ARHGAP32: variants seen among roughly 807,000 people sequenced by gnomAD.
The protein encoded by ARHGAP32 is Rho GTPase activating protein 32.
A neutral mutation model predicts 186.5 loss-of-function variants in ARHGAP32; 51 were observed. That is an observed-to-expected ratio of 0.27 (90% confidence interval 0.22 to 0.35). The LOEUF (loss-of-function observed/expected upper bound fraction) is 0.35, where lower values mean the gene tolerates loss of function less well. Ranked by LOEUF, ARHGAP32 falls within the 10% of genes least tolerant of loss-of-function variation. The probability of loss-of-function intolerance (pLI) is 1.00; values close to 1 mark genes in which losing one functional copy is unlikely to be tolerated. For missense variants in ARHGAP32, 2,186 were observed against 2,623.5 expected (o/e 0.83, Z 3.64); for synonymous variants, 950 against 964.3 (o/e 0.99, Z 0.27).
intron 1 of ARHGAP32, among the ~76,000 whole-genome samples, chr11:129,221,368 TCAGA>T (rs1404926928): frequency 2.0e-5 from 3 of 151,902 alleles, no homozygotes; most frequent in African/African-American, 7.3e-5. Context: ...TTAAAAGAAA[TCAGA>T]CAATGAACTA....
At chr11:129,213,639 T>C (rs954284263) in intron 1 of ARHGAP32, among the ~76,000 whole-genome samples, 1 of 152,138 alleles carries the variant, frequency 6.6e-6, no homozygotes, top group Non-Finnish European at 1.5e-5. Context: ...GTAATATAAA[T>C]AGACAAAACT....
At chr11:129,269,665 T>C (rs568063137) in intron 1 of ARHGAP32, among the ~76,000 whole-genome samples, 1 of 152,262 alleles carries the variant, frequency 6.6e-6, no homozygotes, top group South Asian at 2.1e-4. Context: ...AGTTCGAGGT[T>C]ACAACGAGCT....
At chr11:129,166,027 T>C (rs751082344) in intron 1 of ARHGAP32, among the ~76,000 whole-genome samples, 9 of 152,024 alleles carry the variant, frequency 5.9e-5, no homozygotes, top group Non-Finnish European at 1.3e-4. Flanking sequence ...AAATGATGAA[T>C]TTCAACAGAG....
At chr11:129,057,872 G>C (rs1220290515) in intron 10 of ARHGAP32, among the ~76,000 whole-genome samples, 1 of 152,022 alleles carries the variant, frequency 6.6e-6, no homozygotes, top group South Asian at 2.1e-4. Flanking sequence ...GAAGGGATTA[G>C]GACACAGACA....
chr11:129,210,254 A>C (rs1286631592), intron 1 of ARHGAP32, among the ~76,000 whole-genome samples: 1 of 152,246 alleles, frequency 6.6e-6, no homozygotes, highest in African/African-American at 2.4e-5. Flanking sequence ...CAAAGGGAGA[A>C]GAAACCTTGA....
chr11:129,154,600 G>A, intron 2 of ARHGAP32, among the ~76,000 whole-genome samples: 1 of 152,128 alleles, frequency 6.6e-6, no homozygotes. Context: ...TGGGTTTGGA[G>A]ACCATTATTT....
intron 15 of ARHGAP32, among the ~76,000 whole-genome samples, chr11:128,985,166 G>A (rs542641510): frequency 6.6e-6 from 1 of 152,094 alleles, no homozygotes; most frequent in Non-Finnish European, 1.5e-5. Context: ...TTATAGGCGC[G>A]TGCTACCATG....
chr11:129,069,726 G>A (rs182605744), intron 6 of ARHGAP32, among the ~76,000 whole-genome samples: 8 of 151,314 alleles, frequency 5.3e-5, no homozygotes, highest in East Asian at 1.9e-4. Flanking sequence ...TCCTTTTCAC[G>A]AGAAGATGTA....
At chr11:129,094,514 C>A (rs1466042570) in intron 5 of ARHGAP32, among the ~76,000 whole-genome samples, 1 of 152,144 alleles carries the variant, frequency 6.6e-6, no homozygotes, top group South Asian at 2.1e-4. Flanking sequence ...ACTGAAAAAT[C>A]AGAAAATTGG....
chr11:129,202,067 C>T (rs928569506), intron 1 of ARHGAP32, among the ~76,000 whole-genome samples: 1 of 151,388 alleles, frequency 6.6e-6, no homozygotes, highest in Non-Finnish European at 1.5e-5. Context: ...TATATATATA[C>T]AAGTACATAT....
At position 128,972,933 on chromosome 11, in the gene ARHGAP32, A is replaced by G. The variant is rs756607854; in HGVS notation, c.3573T>C (p.Asp1191=). The change falls in exon 22 of 23, where the codon GAT becomes GAC. Residue 1191 remains aspartate, a synonymous_variant. Coordinates refer to ENST00000682385, the MANE Select transcript of ARHGAP32 (RefSeq NM_001378024.1). ...GGTCTTCAGGGAAACTTACATGATC[A>G]TCAGACTTCTCTGAGTCTAAGGGAA... The part of the protein sequence containing the change: ...TSVPLDSEKS[D]DHVSFPEDQS... The G allele has an allele frequency of 6.2e-7, 1 of 1,614,080 alleles. No homozygotes were observed. The highest frequency in any genetic ancestry group is 1.1e-5 in the South Asian group (1 of 91,084).
At chr11:129,197,179 T>G (rs1193192600), upstream of ARHGAP32, among the ~76,000 whole-genome samples, 1 of 152,252 alleles carries the variant, frequency 6.6e-6, no homozygotes, top group Non-Finnish European at 1.5e-5. Flanking sequence ...CCTAGACGTC[T>G]CTGATCTCAC....
At chr11:129,260,607 T>C (rs1291476038) in intron 1 of ARHGAP32, among the ~76,000 whole-genome samples, 1 of 152,176 alleles carries the variant, frequency 6.6e-6, no homozygotes, top group Non-Finnish European at 1.5e-5. Flanking sequence ...TATAATATTG[T>C]CTTTATCTAT....
At chr11:129,095,046 C>T (rs1447468763) in intron 5 of ARHGAP32, among the ~76,000 whole-genome samples, 1 of 152,090 alleles carries the variant, frequency 6.6e-6, no homozygotes, top group Non-Finnish European at 1.5e-5. Flanking sequence ...AGTGGTATCA[C>T]AAAGTATTTT....
chr11:129,029,901 T>C (rs1196720894), intron 11 of ARHGAP32, among the ~76,000 whole-genome samples: 1 of 151,084 alleles, frequency 6.6e-6, no homozygotes, highest in African/African-American at 2.4e-5. Context: ...CAGATTCATG[T>C]CCAGTTTAAA....
intron 10 of ARHGAP32, among the ~76,000 whole-genome samples, chr11:129,044,926 C>A (rs550602661): frequency 6.6e-6 from 1 of 151,734 alleles, no homozygotes; most frequent in Non-Finnish European, 1.5e-5. Context: ...CCCACAAAGA[C>A]TGAACAAAGA....
chr11:128,995,570 G>A (rs1254926372), intron 12 of ARHGAP32, among the ~76,000 whole-genome samples: 13 of 152,230 alleles, frequency 8.5e-5, no homozygotes, highest in African/African-American at 3.1e-4. Context: ...TGGGTGTGGT[G>A]GCTCACGCCT....
intron 2 of ARHGAP32, among the ~76,000 whole-genome samples, chr11:129,150,032 A>G (rs1943253326): frequency 6.6e-6 from 1 of 151,754 alleles, no homozygotes; most frequent in Admixed American, 6.6e-5. Context: ...TATGAGAACA[A>G]GGAGAAGAAA....
intron 2 of ARHGAP32, among the ~76,000 whole-genome samples, chr11:129,132,128 G>A (rs980836072): frequency 1.1e-4 from 16 of 151,878 alleles, no homozygotes; most frequent in Non-Finnish European, 1.6e-4. Context: ...TCTTTCTCAC[G>A]AAAGAAAACA....
Sources: allele counts gnomAD v4.1 joint callset (sites outside exome capture counted in the v4.1 genomes callset), GRCh38; gene constraint gnomAD v4.1.1; transcripts MANE v1.5; gene names NCBI Gene and HGNC (gene_info 2026-07-23, HGNC 2026-07-21).